Variants in ZNF341 observed in about 807,000 individuals in gnomAD.
ZNF341 encodes the protein zinc finger protein 341.
Under a neutral mutation model 87.7 loss-of-function variants are expected in ZNF341, and 52 were observed. That is an observed-to-expected ratio of 0.59 (90% CI 0.47 to 0.75). ZNF341 has a LOEUF of 0.75. Ranked by LOEUF, ZNF341 falls within the 30% of genes least tolerant of loss-of-function variation. ZNF341 has a pLI of 0.00. For synonymous variants in ZNF341, 459 were observed against 472.7 expected (o/e 0.97, Z 0.38); for missense variants, 977 against 1,145.9 (o/e 0.85, Z 2.13).
At chr20:33,755,983 G>C (rs577688996) in intron 5 of ZNF341, among the ~76,000 whole-genome samples, 44 of 151,958 alleles carry the variant, frequency 2.9e-4, no homozygotes, top group Non-Finnish European at 5.3e-4. Flanking sequence ...TGCACTTTGG[G>C]AGCCCGAGGT....
chr20:33,791,818 T>C lies in ZNF341; in HGVS notation c.*301T>C. Reference sequence around the variant, plus strand: ...AGCCCAGAGTCCCGCTGGTCTAGGCTGGTGGTCGGGGCCCCTGGGAGAGGA... The same window carrying C: ...AGCCCAGAGTCCCGCTGGTCTAGGCCGGTGGTCGGGGCCCCTGGGAGAGGA... On this transcript the variant is annotated 3_prime_UTR_variant, in exon 15 of 15. Coordinates refer to ENST00000375200, the MANE Select transcript of ZNF341 (RefSeq NM_001282933.2). 1 of 357,844 alleles carries C rather than the reference T, an allele frequency of 2.8e-6. No individual in the cohort carries two copies. Among genetic ancestry groups the C allele is most frequent in the Admixed American group, 4.2e-5 (1 of 23,724 alleles). The allele number at this position is 357,844 out of a possible 1,614,324, so 22.2% of individuals were successfully genotyped here.
intron 2 of ZNF341, among the ~76,000 whole-genome samples, chr20:33,742,290 G>A (rs1328613395): frequency 5.3e-5 from 8 of 151,982 alleles, no homozygotes; most frequent in African/African-American, 1.9e-4. Flanking sequence ...TCCGCCTCCC[G>A]GGTTCAAGCA....
chr20:33,745,620 G>A (rs940546740), intron 3 of ZNF341, among the ~76,000 whole-genome samples: 2 of 152,110 alleles, frequency 1.3e-5, no homozygotes, highest in African/African-American at 2.4e-5. Flanking sequence ...ATAATAAGTA[G>A]ATAATATATT....
intron 1 of ZNF341, 39 bp from the exon 2 acceptor site, chr20:33,740,863 T>C (rs753976709): frequency 5.7e-6 from 9 of 1,587,898 alleles, no homozygotes; most frequent in Non-Finnish European, 5.2e-6. Flanking sequence ...AGCATGATGC[T>C]GGGCCTACCT....
rs2018889445 is a variant in ZNF341 at position 33,745,143 on chromosome 20, A to G, written c.183A>G (p.Gln61=). The change falls in exon 3 of 15, where the codon CAA becomes CAG. Residue 61 remains glutamine (Q), a synonymous_variant. Coordinates refer to ENST00000375200, the MANE Select transcript of ZNF341 (RefSeq NM_001282933.2). ...TTCTCTGCGGGAAGTGTAAGAAGCA[A>G]TTCAACTCGCTGCCAGCGTTTATGA... ...DVFLCGKCKK[Q]FNSLPAFMTH... 1 of 1,613,918 alleles carries G rather than the reference A, an allele frequency of 6.2e-7. No individual in the cohort carries two copies. The highest frequency in any genetic ancestry group is 8.5e-7 in the Non-Finnish European group (1 of 1,179,834).
At position 33,735,742 on chromosome 20, in the gene ZNF341, A is replaced by G. The variant is rs1054188156; in HGVS notation, c.31+3690A>G. Among the ~76,000 whole-genome samples the G allele has an allele frequency of 2.6e-5, 4 of 152,144 alleles. No individual in the cohort carries two copies. The East Asian group carries it at 7.7e-4, about 29-fold the overall frequency. On this transcript the variant is annotated intron_variant, in intron 1 of 14. Transcript: ENST00000375200. ...CATTTCCCCTGGTGTAACATTTTGCACAACTACAGTGTGTTACCACCAGTC... is the reference window on the plus strand; with the variant it reads ...CATTTCCCCTGGTGTAACATTTTGCGCAACTACAGTGTGTTACCACCAGTC...
At chr20:33,789,062 TGAGG>T in intron 13 of ZNF341, 88 bp downstream of exon 13, 2 of 980,424 alleles carry the variant, frequency 2.0e-6, no homozygotes, top group Non-Finnish European at 3.0e-6. Flanking sequence ...ATGTCAGGCC[TGAGG>T]GCAGGCCTCT....
intron 13 of ZNF341, 92 bp from the exon 14 acceptor site, chr20:33,789,426 A>G: frequency 7.4e-7 from 1 of 1,350,796 alleles, no homozygotes; most frequent in South Asian, 1.2e-5. Flanking sequence ...AGGGTGGACA[A>G]GGCTGTCCCT....
At chr20:33,740,498 A>G (rs974183826) in intron 1 of ZNF341, among the ~76,000 whole-genome samples, 5 of 152,114 alleles carry the variant, frequency 3.3e-5, no homozygotes, top group Non-Finnish European at 5.9e-5. Flanking sequence ...CATCCTTGCC[A>G]TGGGGTTTTG....
chr20:33,758,185 G>A (rs568944873), intron 6 of ZNF341, among the ~76,000 whole-genome samples: 5 of 152,276 alleles, frequency 3.3e-5, no homozygotes, highest in Admixed American at 3.3e-4. Flanking sequence ...GTTGCTCCAG[G>A]AAGGAGGTTA....
chr20:33,770,995 G>A (rs1458301909), intron 10 of ZNF341, among the ~76,000 whole-genome samples: 30 of 151,840 alleles, frequency 2.0e-4, no homozygotes, highest in African/African-American at 6.8e-4. Flanking sequence ...GGTGGTGGGC[G>A]CCTGTAGTCC....
At chr20:33,743,841 C>T (rs991145053) in intron 2 of ZNF341, among the ~76,000 whole-genome samples, 1 of 152,156 alleles carries the variant, frequency 6.6e-6, no homozygotes, top group Admixed American at 6.5e-5. Flanking sequence ...CATTGAGAAC[C>T]TCCTCTGTGT....
chr20:33,735,334 T>G (rs1568930065), intron 1 of ZNF341, among the ~76,000 whole-genome samples: 1 of 152,076 alleles, frequency 6.6e-6, no homozygotes, highest in Non-Finnish European at 1.5e-5. Context: ...CCAGCCAGCC[T>G]TTTTTATTTT....
At chr20:33,772,979 G>A (rs943550791) in intron 10 of ZNF341, among the ~76,000 whole-genome samples, 11 of 152,180 alleles carry the variant, frequency 7.2e-5, no homozygotes, top group Admixed American at 1.3e-4. Context: ...ACTTATTCCC[G>A]TTTGCACTTG....
chr20:33,769,900 G>T (rs999139352), intron 9 of ZNF341, among the ~76,000 whole-genome samples, 184 bp from the exon 10 acceptor site: 1 of 152,140 alleles, frequency 6.6e-6, no homozygotes, highest in African/African-American at 2.4e-5. Flanking sequence ...GATAGAGTGC[G>T]ACTCAGTCTC....
chr20:33,768,143 G>A (rs1192062077), intron 9 of ZNF341, among the ~76,000 whole-genome samples: 4 of 149,096 alleles, frequency 2.7e-5, no homozygotes, highest in South Asian at 2.1e-4. Flanking sequence ...TTTTCCCCCC[G>A]AGGCAGTCTC....
chr20:33,747,639 A>AG (rs1405709493), intron 3 of ZNF341, among the ~76,000 whole-genome samples: 86 of 142,358 alleles, frequency 6.0e-4, no homozygotes, highest in Admixed American at 1.3e-3. Flanking sequence ...AAAAAAAAAA[A>AG]AAACACAGTC....
chr20:33,789,064 A>AG (rs1340817411), intron 13 of ZNF341, 90 bp downstream of exon 13: 7 of 889,302 alleles, frequency 7.9e-6, no homozygotes, highest in Non-Finnish European at 1.2e-5. Flanking sequence ...GTCAGGCCTG[A>AG]GGGCAGGCCT....
At chr20:33,736,338 G>C (rs2018684688) in intron 1 of ZNF341, among the ~76,000 whole-genome samples, 2 of 151,926 alleles carry the variant, frequency 1.3e-5, no homozygotes, top group South Asian at 4.2e-4. Flanking sequence ...TCCCTACCTT[G>C]CCTTTAACCT....
Sources: gnomAD v4.1 joint callset for allele counts (sites outside exome capture counted in the v4.1 genomes callset) on GRCh38, gnomAD v4.1.1 for gene constraint, MANE v1.5 for transcripts, NCBI Gene and HGNC (gene_info 2026-07-23, HGNC 2026-07-21) for gene names.